C21orf58: variants seen among roughly 807,000 people sequenced by gnomAD.
The protein encoded by C21orf58 is uncharacterized protein C21orf58.
Under a neutral mutation model 35.8 loss-of-function variants are expected in C21orf58, and 34 were observed. The ratio of observed to expected loss-of-function variants is 0.95; its 90% confidence interval spans 0.72 to 1.26. C21orf58 has a LOEUF of 1.26. Among genes scored for constraint, C21orf58 ranks in the 50% most tolerant of loss-of-function variants. The pLI is 0.00. For synonymous variants in C21orf58, 191 were observed against 175.8 expected, an observed-to-expected ratio of 1.09 and a Z score of -0.68; for missense variants, 440 against 414.3, an observed-to-expected ratio of 1.06 and a Z score of -0.54.
At chr21:46,302,362 G>GAGCAGTCTGCAGGGCATCGTCCGGCCGGT in intron 7 of C21orf58, 123 bp downstream of exon 7, 1 of 1,084,560 alleles carries the variant, frequency 9.2e-7, no homozygotes, top group African/African-American at 1.6e-5. Flanking sequence ...GGGCTTCACA[G>GAGCAGTCTGCAGGGCATCGTCCGGCCGGT]CCAGACTGTA....
chr21:46,314,646 C>T lies in C21orf58; in HGVS notation c.609+70G>A, dbSNP rs1435978628. The T allele has an allele frequency of 4.9e-6, 6 of 1,227,338 alleles. No homozygotes were observed. The South Asian group carries it at 8.0e-5, about 16-fold the overall frequency. The allele number at this position is 1,227,338 out of a possible 1,614,324, so 76.0% of individuals were successfully genotyped here. A position where few individuals can be genotyped will look rare whatever the true frequency, so the allele number is the denominator to read the frequency against. On this transcript the variant is annotated intron_variant, in intron 5 of 7. Transcript: ENST00000291691. ...CTCGCTGCAGGCACAGCGCCTCCTG[C>T]CTTCTGTAAAATCTTAATTCCGCAC...
chr21:46,317,364 G>A (rs1445931493), intron 2 of C21orf58, 96 bp from the exon 3 acceptor site: 56 of 1,540,952 alleles, frequency 3.6e-5, no homozygotes, highest in Non-Finnish European at 4.8e-5. Flanking sequence ...TGAAAAGAAT[G>A]GTACGTCAGG....
intron 6 of C21orf58, 68 bp from the exon 7 acceptor site, chr21:46,302,644 C>G: frequency 8.1e-7 from 1 of 1,233,556 alleles, no homozygotes; most frequent in Non-Finnish European, 1.2e-6. Context: ...AGTGATAGAG[C>G]ATTATAGGAC....
intron 5 of C21orf58, among the ~76,000 whole-genome samples, chr21:46,312,028 C>T (rs1471067352): frequency 6.9e-6 from 1 of 144,132 alleles, no homozygotes; most frequent in Non-Finnish European, 1.5e-5. Context: ...CCCATCCACC[C>T]ATCCACCTAC....
intron 3 of C21orf58, 40 bp downstream of exon 3, chr21:46,317,168 G>A (rs773417300): frequency 2.1e-5 from 33 of 1,592,644 alleles, no homozygotes; most frequent in Admixed American, 1.0e-4. Context: ...CTACACTTGC[G>A]TCTGTCTGTG....
In C21orf58 at chr21:46,315,494, C is replaced by T. The variant is rs1167976967; in HGVS notation, c.424G>A (p.Asp142Asn). 1.9e-6 allele frequency: 3 copies of T among 1,608,022 alleles called. No individual in the cohort carries two copies. The highest frequency in any genetic ancestry group is 2.6e-6 in the Non-Finnish European group (3 of 1,174,906). ...ALQTALKRRR[D>N]LLQRLREQHL... ...CCTACCCGGAGTCTCTGCAGAAGGT[C>T]CCTCCTTCTCTTCAGAGCAGTCTGC... The change falls in exon 4 of 8, where the codon GAC (aspartate) becomes AAC (asparagine). Residue 142 changes from aspartate (D) to asparagine (N), a missense_variant. By Grantham distance (23) the Asp-to-Asn change is conservative. Transcript: ENST00000291691.
intron 5 of C21orf58, among the ~76,000 whole-genome samples, chr21:46,312,370 G>A (rs989116414): frequency 1.3e-5 from 2 of 152,106 alleles, no homozygotes; most frequent in African/African-American, 4.8e-5. Flanking sequence ...CCAGGCTGGA[G>A]TGCAATGGTA....
At chr21:46,312,245 T>C (rs2082762822) in intron 5 of C21orf58, among the ~76,000 whole-genome samples, 1 of 152,198 alleles carries the variant, frequency 6.6e-6, no homozygotes, top group African/African-American at 2.4e-5. Context: ...CCACATTTCC[T>C]GTCTTTAGCG....
chr21:46,310,600 G>T (rs1467705545), intron 6 of C21orf58, among the ~76,000 whole-genome samples: 1 of 151,848 alleles, frequency 6.6e-6, no homozygotes, highest in East Asian at 1.9e-4. Context: ...CCTGAGGTTG[G>T]GAGTTCAAGA....
intron 3 of C21orf58, among the ~76,000 whole-genome samples, chr21:46,316,829 G>T (rs2082992333): frequency 6.6e-6 from 1 of 152,194 alleles, no homozygotes; most frequent in African/African-American, 2.4e-5. Flanking sequence ...CTTCTCCCTG[G>T]ACGTCCCCGG....
chr21:46,304,451 A>G (rs2082324447), intron 6 of C21orf58, among the ~76,000 whole-genome samples: 2 of 151,394 alleles, frequency 1.3e-5, no homozygotes, highest in Non-Finnish European at 2.9e-5. Flanking sequence ...GCACCACTGC[A>G]CTCCAGCCTG....
At chr21:46,315,610 G>A (rs932908366) in intron 3 of C21orf58, 63 bp from the exon 4 acceptor site, 3 of 1,092,048 alleles carry the variant, frequency 2.7e-6, no homozygotes, top group Non-Finnish European at 4.2e-6. Flanking sequence ...CAAGCACTCG[G>A]ACTGGATGGT....
chr21:46,303,416 G>A (rs1236437395), intron 6 of C21orf58, among the ~76,000 whole-genome samples: 1 of 151,416 alleles, frequency 6.6e-6, no homozygotes, highest in Non-Finnish European at 1.5e-5. Context: ...CAAGAAGGAT[G>A]GAACACTCAA....
chr21:46,303,118 C>T (rs1005301295), intron 6 of C21orf58, among the ~76,000 whole-genome samples: 6 of 151,954 alleles, frequency 3.9e-5, no homozygotes, highest in Non-Finnish European at 7.4e-5. Flanking sequence ...GAGCCAAGAT[C>T]GTGCCACTGT....
At chr21:46,300,875 C>T, downstream of C21orf58, 2 of 1,062,546 alleles carry the variant, frequency 1.9e-6, no homozygotes, top group Non-Finnish European at 1.2e-6. Context: ...AACATAATTG[C>T]ACCCAAAAAA....
At chr21:46,307,969 AGACACTAGAT>A (rs2082496391) in intron 6 of C21orf58, among the ~76,000 whole-genome samples, 1 of 152,168 alleles carries the variant, frequency 6.6e-6, no homozygotes. Flanking sequence ...TAAATGCTGC[AGACACTAGAT>A]AACAGTTTGG....
Position 46,318,607 on chromosome 21 carries a change from A to C in C21orf58, c.101-387T>G. 4.5e-6 allele frequency: 5 copies of C among 1,108,882 alleles called. No homozygotes were observed. The South Asian group carries it at 9.6e-5, about 21-fold the overall frequency. The allele number at this position is 1,108,882 out of a possible 1,614,324, so 68.7% of individuals were successfully genotyped here. ...TAATACCTCCCTCCTAGGGACCCTC[A>C]GAGCAAGCAGGGAAGACAGGGTGGG... is the stretch of plus-strand genomic sequence containing the variant. On this transcript the variant is annotated intron_variant, in intron 1 of 7. Transcript: ENST00000291691.
chr21:46,302,306 A>C, intron 7 of C21orf58, 152 bp from the exon 8 acceptor site: 2 of 1,329,362 alleles, frequency 1.5e-6, no homozygotes, highest in Non-Finnish European at 2.0e-6. Flanking sequence ...CCCGCCCCAA[A>C]TTGTGCAACC....
intron 4 of C21orf58, 120 bp downstream of exon 4, chr21:46,315,354 C>A: frequency 1.4e-6 from 1 of 701,348 alleles, no homozygotes; most frequent in Non-Finnish European, 2.6e-6. Flanking sequence ...TTGCTGGGGC[C>A]TGGCCCTGAG....
Sources: gnomAD v4.1 joint callset for allele counts (sites outside exome capture counted in the v4.1 genomes callset) on GRCh38, gnomAD v4.1.1 for gene constraint, MANE v1.5 for transcripts, NCBI Gene and HGNC (gene_info 2026-07-23, HGNC 2026-07-21) for gene names.